The following GPM6A variants were observed in gnomAD, a reference collection of about 807,000 sequenced individuals.
The protein encoded by GPM6A is neuronal membrane glycoprotein M6-a.
In GPM6A, 7 loss-of-function variants were observed where a neutral mutation model predicts 32.1. The ratio of observed to expected loss-of-function variants is 0.22; its 90% confidence interval spans 0.12 to 0.41. GPM6A has a LOEUF of 0.41. Among genes scored for constraint, GPM6A ranks in the 10% least tolerant of loss-of-function variants. GPM6A has a pLI of 1.00. For synonymous variants in GPM6A, 130 were observed against 123.4 expected (o/e 1.05, Z -0.35); for missense variants, 235 against 347.2 (o/e 0.68, Z 2.57).
At chr4:175,863,259 C>A (rs1164140493) in intron 1 of GPM6A, among the ~76,000 whole-genome samples, 1 of 152,096 alleles carries the variant, frequency 6.6e-6, no homozygotes, top group African/African-American at 2.4e-5. Flanking sequence ...CATACCCCGG[C>A]AGCACGAGAT....
At chr4:175,771,156 GTTT>G (rs149702882) in intron 1 of GPM6A, among the ~76,000 whole-genome samples, 39,281 of 151,702 alleles carry the variant, frequency 0.26, 7,657 homozygotes, top group African/African-American at 0.56. Context: ...CTGCTTCCTT[GTTT>G]TTTTGCCCAT....
At chr4:175,779,075 A>G (rs1166567426) in intron 1 of GPM6A, among the ~76,000 whole-genome samples, 2 of 152,176 alleles carry the variant, frequency 1.3e-5, no homozygotes, top group African/African-American at 4.8e-5. Context: ...AATAATTGCT[A>G]GTAAGCTATC....
intron 1 of GPM6A, among the ~76,000 whole-genome samples, chr4:175,710,767 C>A (rs1401379656): frequency 6.6e-6 from 1 of 152,190 alleles, no homozygotes; most frequent in Non-Finnish European, 1.5e-5. Context: ...GCCTTACACA[C>A]AACTTTTGTT....
chr4:175,920,003 C>A, intron 1 of GPM6A, among the ~76,000 whole-genome samples: 1 of 152,222 alleles, frequency 6.6e-6, no homozygotes. Context: ...GTGGACTCTT[C>A]CTTCTATCTT....
rs370144749 is a variant in GPM6A, at chr4:175,697,409, G to GAA, written c.230+4164_230+4165dup. ...AAGTCTGAATCACAATTTTTCTGAT[G>GAA]AAAAAAATGTCCTCCTCATCACATA... On this transcript the variant is annotated intron_variant, in intron 2 of 6. Coordinates refer to ENST00000393658, the MANE Select transcript of GPM6A (RefSeq NM_201591.3). Among the ~76,000 whole-genome samples the GAA allele has an allele frequency of 9.9e-3, 1,511 of 152,106 alleles. 23 individuals carry two copies. The highest frequency in any genetic ancestry group is 0.034 in the African/African-American group (1,407 of 41,488).
intron 6 of GPM6A, among the ~76,000 whole-genome samples, chr4:175,639,893 A>G (rs1242769568): frequency 6.6e-6 from 1 of 152,154 alleles, no homozygotes; most frequent in African/African-American, 2.4e-5. Context: ...TCTAATATCT[A>G]AAATCCTAAT....
chr4:175,648,631 C>T (rs559975253), intron 4 of GPM6A, among the ~76,000 whole-genome samples: 17 of 152,352 alleles, frequency 1.1e-4, no homozygotes, highest in African/African-American at 3.8e-4. Context: ...CAGGGCTGCA[C>T]TTCTCTGGAG....
intron 1 of GPM6A, among the ~76,000 whole-genome samples, chr4:175,754,163 A>T (rs1732441780): frequency 1.3e-5 from 2 of 152,096 alleles, no homozygotes; most frequent in African/African-American, 4.8e-5. Context: ...GCTAATTCCC[A>T]CTAAAACACT....
chr4:175,870,776 C>G lies in GPM6A; in HGVS notation c.-22-58527G>C, dbSNP rs908554671. Among the ~76,000 whole-genome samples, 4 of 152,134 alleles carry G rather than the reference C, an allele frequency of 2.6e-5. No individual in the cohort carries two copies. In the East Asian group the frequency reaches 7.7e-4, roughly 29 times the overall value. On this transcript the variant is annotated intron_variant, in intron 1 of 7. Transcript: ENST00000280187. ...TATGGTTAGACAGCTAAGTTGGGAG[C>G]CTGTTTCCCTTATTAACTAGCTTTA...
intron 1 of GPM6A, among the ~76,000 whole-genome samples, chr4:175,878,274 T>C (rs759980842): frequency 6.6e-6 from 1 of 152,136 alleles, no homozygotes; most frequent in Non-Finnish European, 1.5e-5. Flanking sequence ...TTCTCACAGA[T>C]CCACTAGTCA....
chr4:175,637,938 A>C (rs1740907836), intron 6 of GPM6A, among the ~76,000 whole-genome samples: 1 of 137,740 alleles, frequency 7.3e-6, no homozygotes, highest in Non-Finnish European at 1.5e-5. Context: ...ACTCAAGGTC[A>C]CTCCAATTCA....
At chr4:175,908,088 T>C (rs1738189297) in intron 1 of GPM6A, among the ~76,000 whole-genome samples, 1 of 152,162 alleles carries the variant, frequency 6.6e-6, no homozygotes, top group Non-Finnish European at 1.5e-5. Context: ...AAAGAATATA[T>C]TAACGAATAA....
At chr4:175,881,542 C>T (rs1285953460) in intron 1 of GPM6A, among the ~76,000 whole-genome samples, 1 of 152,144 alleles carries the variant, frequency 6.6e-6, no homozygotes, top group Non-Finnish European at 1.5e-5. Flanking sequence ...GACACATGCA[C>T]ACGTATATTT....
chr4:175,957,098 T>C (rs1740011385), intron 1 of GPM6A, among the ~76,000 whole-genome samples: 1 of 152,204 alleles, frequency 6.6e-6, no homozygotes, highest in Non-Finnish European at 1.5e-5. Context: ...CCCTTAGTTT[T>C]TCGGAATGTG....
intron 6 of GPM6A, among the ~76,000 whole-genome samples, chr4:175,637,260 A>T (rs1469137613): frequency 5.9e-5 from 2 of 33,828 alleles, no homozygotes; most frequent in South Asian, 1.0e-3. Flanking sequence ...ATAATATAAA[A>T]TATATATTAT....
chr4:175,787,838 T>TA (rs1342032183), intron 1 of GPM6A: 1 of 155,978 alleles, frequency 6.4e-6, no homozygotes, highest in Admixed American at 6.4e-5. Context: ...TTTTAATTGC[T>TA]ATCTTCCCAG....
intron 1 of GPM6A, among the ~76,000 whole-genome samples, chr4:175,784,725 G>GTA (rs1412683187): frequency 6.6e-6 from 1 of 152,048 alleles, no homozygotes; most frequent in Non-Finnish European, 1.5e-5. Flanking sequence ...GTGTGTGTGT[G>GTA]TATGTGTGTG....
At chr4:175,774,468 A>G (rs180771034) in intron 1 of GPM6A, among the ~76,000 whole-genome samples, 2 of 152,202 alleles carry the variant, frequency 1.3e-5, no homozygotes, top group African/African-American at 4.8e-5. Flanking sequence ...GAGGATATTA[A>G]TTTAACTCAG....
intron 3 of GPM6A, among the ~76,000 whole-genome samples, chr4:175,660,747 T>G (rs1374262917): frequency 6.6e-6 from 1 of 152,148 alleles, no homozygotes; most frequent in Non-Finnish European, 1.5e-5. Flanking sequence ...AAATTAAAAT[T>G]AACAAAAATT....
Sources: allele counts gnomAD v4.1 joint callset (sites outside exome capture counted in the v4.1 genomes callset), GRCh38; gene constraint gnomAD v4.1.1; transcripts MANE v1.5; gene names NCBI Gene and HGNC (gene_info 2026-07-23, HGNC 2026-07-21).